ABCA9: variants seen among roughly 807,000 people sequenced by gnomAD.
ABCA9 encodes ATP binding cassette subfamily A member 9.
Under a neutral mutation model 205.3 loss-of-function variants are expected in ABCA9, and 183 were observed. The ratio of observed to expected loss-of-function variants is 0.89; its 90% CI spans 0.79 to 1.01. The LOEUF (loss-of-function observed/expected upper bound fraction) is 1.01. ABCA9 is among the 50% of genes least tolerant of loss of function. ABCA9 has a pLI of 0.00. For synonymous variants in ABCA9, 651 were observed against 683.3 expected, an observed-to-expected ratio of 0.95 and a Z score of 0.74; for missense variants, 1,805 against 1,912.4, an observed-to-expected ratio of 0.94 and a Z score of 1.05.
chr17:69,011,220 T>C (rs2070360106), intron 23 of ABCA9, among the ~76,000 whole-genome samples: 1 of 152,140 alleles, frequency 6.6e-6, no homozygotes, highest in African/African-American at 2.4e-5. Flanking sequence ...AAGTAACTTT[T>C]GAGATTCATG....
chr17:68,999,812 T>C (rs1038379638), intron 25 of ABCA9, among the ~76,000 whole-genome samples: 62 of 151,664 alleles, frequency 4.1e-4, no homozygotes, highest in Non-Finnish European at 7.5e-4. Context: ...TTTTAATGAT[T>C]GCCATTCTAA....
intron 3 of ABCA9, among the ~76,000 whole-genome samples, chr17:69,048,783 C>T (rs1047572053): frequency 3.9e-5 from 6 of 152,140 alleles, no homozygotes; most frequent in African/African-American, 1.4e-4. Context: ...CCATCAGATA[C>T]CTTATTGTTT....
At chr17:69,053,725 GA>G (rs1239841689) in intron 1 of ABCA9, among the ~76,000 whole-genome samples, 3 of 151,982 alleles carry the variant, frequency 2.0e-5, no homozygotes, top group Non-Finnish European at 4.4e-5. Context: ...TGCCTAATGG[GA>G]ATACCAAAAA....
intron 25 of ABCA9, among the ~76,000 whole-genome samples, chr17:68,999,954 G>A (rs968707593): frequency 1.1e-4 from 16 of 152,052 alleles, no homozygotes; most frequent in African/African-American, 3.6e-4. Context: ...CATGTCCTTC[G>A]CCCACTTTTT....
chr17:68,989,668 T>A (rs1348104936), intron 30 of ABCA9, 145 bp downstream of exon 30: 2 of 563,676 alleles, frequency 3.5e-6, no homozygotes, highest in African/African-American at 1.9e-5. Context: ...TCGTTATCAT[T>A]TCAACTGAGG....
rs2071885523 is a variant in ABCA9 at position 69,051,053 on chromosome 17, C to T, written c.74G>A (p.Arg25Lys). The T allele has an allele frequency of 6.2e-7, 1 of 1,613,536 alleles. No individual in the cohort carries two copies. The highest frequency in any genetic ancestry group is 1.3e-5 in the African/African-American group (1 of 74,902). The change falls in exon 2 of 39, where the codon AGA becomes AAA. Residue 25 changes from arginine (R) to lysine (K), a missense_variant. Transcript: ENST00000340001. ...LLCKNCLKKW[R>K]MKRQTLLEWL... ...TACCAACAAGGTCTGTCTTTTCATT[C>T]TCCATTTTTTGAGACAGTTCTTGCA...
At position 69,045,174 on chromosome 17, in the gene ABCA9, G is replaced by T; in HGVS notation, c.467C>A (p.Ser156Ter). ...IPMMKEHRDHSAHCQAVNEKM... is the reference protein window; with the variant it reads ...IPMMKEHRDH The stretch of plus-strand genomic sequence containing the variant: ...TTTTTTTCTTCTTCAAAAGTTACCT[G>T]AATGGTCTCTGTGCTCTTTCATCAT... Residue 156 changes from serine to a stop codon, truncating the protein, a stop_gained and splice_region_variant, in exon 4 of 39, where the codon TCA (serine) becomes TAA (stop). Coordinates refer to ENST00000340001, the MANE Select transcript of ABCA9 (RefSeq NM_080283.4). LOFTEE classifies it high-confidence loss of function. 7 of 1,610,678 alleles carry T rather than the reference G, an allele frequency of 4.3e-6. No homozygotes were observed. Among genetic ancestry groups the T allele is most frequent in the Middle Eastern group, 1.7e-4 (1 of 6,048 alleles).
chr17:69,069,940 ACAAG>A, the ABCA9 span, among the ~76,000 whole-genome samples: 1 of 152,194 alleles, frequency 6.6e-6, no homozygotes, highest in Non-Finnish European at 1.5e-5. Flanking sequence ...TATCAAAAAC[ACAAG>A]CAAAGATTTC....
Position 69,035,424 on chromosome 17 carries a change from A to C in ABCA9, c.950T>G (p.Leu317Ter). ...FLLYGLSLIT[L>*]AFLMSVLIKK... ...TATCAACACACTCATCAGGAAAGCT[A>C]AAGTTATCTGAGAAAAGAGAAAGAC... is the stretch of plus-strand genomic sequence containing the variant. Residue 317 changes from leucine (L) to a stop codon, truncating the protein, a stop_gained, in exon 8 of 39, where the codon TTA becomes TGA. Coordinates refer to ENST00000340001, the MANE Select transcript of ABCA9 (RefSeq NM_080283.4). LOFTEE classifies it high-confidence loss of function. 1 of 1,573,480 alleles carries C rather than the reference A, an allele frequency of 6.4e-7. No homozygotes were observed. Among genetic ancestry groups the C allele is most frequent in the Non-Finnish European group, 8.6e-7 (1 of 1,164,674 alleles).
intron 22 of ABCA9, among the ~76,000 whole-genome samples, chr17:69,015,662 C>T (rs375303682): frequency 3.3e-4 from 50 of 152,258 alleles, no homozygotes; most frequent in African/African-American, 1.1e-3. Flanking sequence ...CCTCATCACT[C>T]GTTCCTACAA....
chr17:69,061,120 C>G, upstream of ABCA9: 2 of 985,330 alleles, frequency 2.0e-6, no homozygotes, highest in South Asian at 9.4e-5. Flanking sequence ...GCTAGTTACT[C>G]AGCAGGGAGT....
At chr17:69,009,793 G>T (rs2070301932) in intron 23 of ABCA9, among the ~76,000 whole-genome samples, 1 of 152,090 alleles carries the variant, frequency 6.6e-6, no homozygotes, top group African/African-American at 2.4e-5. Flanking sequence ...AAATATTTCA[G>T]AAGTATATTC....
chr17:68,978,659 C>T (rs1049263607), intron 37 of ABCA9, among the ~76,000 whole-genome samples: 1 of 152,066 alleles, frequency 6.6e-6, no homozygotes, highest in East Asian at 1.9e-4. Context: ...TTAGGGCAGG[C>T]CTGATGGTGA....
At chr17:68,990,337 C>T (rs190660275) in intron 29 of ABCA9, among the ~76,000 whole-genome samples, 1 of 152,296 alleles carries the variant, frequency 6.6e-6, no homozygotes, top group Admixed American at 6.5e-5. Flanking sequence ...AAACCACAAC[C>T]CTGAAAAATA....
chr17:68,992,738 G>C (rs960502196), intron 27 of ABCA9: 2 of 278,442 alleles, frequency 7.2e-6, no homozygotes, highest in African/African-American at 4.5e-5. Context: ...GCTTGAACAC[G>C]GGAGGTGGAG....
chr17:69,059,872 A>T (rs546715437), intron 1 of ABCA9, among the ~76,000 whole-genome samples: 2 of 152,276 alleles, frequency 1.3e-5, no homozygotes, highest in South Asian at 4.2e-4. Context: ...TTCACCAGTG[A>T]TGCAGATGAG....
chr17:68,991,129 TGAGTA>T (rs2069439619), intron 28 of ABCA9, among the ~76,000 whole-genome samples, 172 bp from the exon 29 acceptor site: 1 of 152,176 alleles, frequency 6.6e-6, no homozygotes, highest in Non-Finnish European at 1.5e-5. Context: ...TTTCCTTCAG[TGAGTA>T]GAGTAATGAT....
rs1196847377 is a variant in ABCA9 at position 69,046,900 on chromosome 17, TATATATATATATAA to T, written c.305-1578_305-1565del. Among the ~76,000 whole-genome samples the T allele has an allele frequency of 2.0e-4, 16 of 78,202 alleles. No individual in the cohort carries two copies. In the East Asian group the frequency reaches 2.9e-3, roughly 14 times the overall value. The allele number at this position is 78,202 out of a possible 152,430, so 51.3% of individuals were successfully genotyped here. A position where few individuals can be genotyped will look rare whatever the true frequency, so the allele number is the denominator to read the frequency against. ...CTATATATATATATATATATATATA[TATATATATATATAA>T]AATTTTATATATATAGAAAATTTTA... On this transcript the variant is annotated intron_variant, in intron 3 of 38. Coordinates refer to ENST00000340001, the MANE Select transcript of ABCA9 (RefSeq NM_080283.4).
chr17:68,982,472 C>T, intron 37 of ABCA9, 90 bp downstream of exon 37: 1 of 984,788 alleles, frequency 1.0e-6, no homozygotes, highest in South Asian at 1.4e-5. Context: ...CAGCATAATT[C>T]TATGTTTATG....
Sources: allele counts gnomAD v4.1 joint callset (sites outside exome capture counted in the v4.1 genomes callset), GRCh38; gene constraint gnomAD v4.1.1; transcripts MANE v1.5; gene names NCBI Gene and HGNC (gene_info 2026-07-23, HGNC 2026-07-21).